The following RPTOR variants were observed in gnomAD, a reference collection of about 807,000 sequenced individuals.
RPTOR encodes the protein regulatory associated protein of MTOR complex 1.
RPTOR carries 21 observed loss-of-function variants against 169.9 expected under a neutral mutation model. The observed-to-expected ratio is 0.12, with a 90% CI of 0.09 to 0.18. RPTOR has a LOEUF of 0.18. Ranked by LOEUF, RPTOR falls within the 10% of genes least tolerant of loss-of-function variation. RPTOR has a pLI of 1.00. For missense variants in RPTOR, 1,133 were observed against 1,855.9 expected, an observed-to-expected ratio of 0.61 and a Z score of 7.16; for synonymous variants, 732 against 753.2, an observed-to-expected ratio of 0.97 and a Z score of 0.46.
At chr17:80,632,419 C>G (rs60134210) in intron 2 of RPTOR, among the ~76,000 whole-genome samples, 3 of 152,200 alleles carry the variant, frequency 2.0e-5, no homozygotes, top group Non-Finnish European at 4.4e-5. Context: ...GAGCTTTTAT[C>G]AGAGCTCACC....
intron 3 of RPTOR, among the ~76,000 whole-genome samples, chr17:80,700,217 C>T (rs539307798): frequency 5.3e-5 from 8 of 152,266 alleles, no homozygotes; most frequent in South Asian, 4.1e-4. Context: ...TGCAGGGACT[C>T]GTAGGTCTTT....
In RPTOR at chr17:80,810,758, A is replaced by T. The variant is rs1450663269; in HGVS notation, c.891-11443A>T. On this transcript the variant is annotated intron_variant, in intron 7 of 33. Transcript: ENST00000306801. ...CTAGTAATATGGAGTCTTCTGACCC[A>T]TGCACATAGTGGCTTCATCTTCCAT... is the stretch of plus-strand genomic sequence containing the variant. 2.6e-5 allele frequency among the ~76,000 whole-genome samples: 4 copies of T among 152,234 alleles called. No homozygotes were observed. The East Asian group carries it at 7.7e-4, about 29-fold the overall frequency.
intron 1 of RPTOR, among the ~76,000 whole-genome samples, chr17:80,587,591 C>A (rs1003805615): frequency 6.6e-6 from 1 of 152,138 alleles, no homozygotes; most frequent in Non-Finnish European, 1.5e-5. Flanking sequence ...CACACTGTTA[C>A]GCATTTTTAC....
At chr17:80,737,444 G>T (rs1008613466) in intron 5 of RPTOR, among the ~76,000 whole-genome samples, 1 of 152,184 alleles carries the variant, frequency 6.6e-6, no homozygotes, top group African/African-American at 2.4e-5. Flanking sequence ...TTTCCGGCAG[G>T]GGGGCGGTGG....
intron 6 of RPTOR, among the ~76,000 whole-genome samples, chr17:80,787,565 A>G (rs1182367105): frequency 2.0e-5 from 3 of 152,266 alleles, no homozygotes; most frequent in African/African-American, 4.8e-5. Flanking sequence ...CATAGTGTAT[A>G]GGAACATTCA....
At chr17:80,950,867 C>T (rs989380113) in intron 28 of RPTOR, among the ~76,000 whole-genome samples, 10 of 152,208 alleles carry the variant, frequency 6.6e-5, no homozygotes, top group African/African-American at 2.2e-4. Context: ...TTTCTGGGGT[C>T]GCTCAGAGGC....
At chr17:80,755,075 G>C (rs2066666852) in intron 6 of RPTOR, among the ~76,000 whole-genome samples, 1 of 152,196 alleles carries the variant, frequency 6.6e-6, no homozygotes, top group South Asian at 2.1e-4. Flanking sequence ...GGAGGGGCCA[G>C]AGGGGCAGGG....
intron 1 of RPTOR, among the ~76,000 whole-genome samples, chr17:80,594,525 A>G (rs762324711): frequency 6.6e-6 from 1 of 152,238 alleles, no homozygotes. Context: ...GCACTTGTGC[A>G]GAACTGTATC....
chr17:80,821,885 C>T (rs1369391587), intron 7 of RPTOR, among the ~76,000 whole-genome samples: 1 of 152,196 alleles, frequency 6.6e-6, no homozygotes, highest in African/African-American at 2.4e-5. Flanking sequence ...ACAGACTGCC[C>T]TTGGGGTCCA....
chr17:80,886,739 C>T (rs1335124284), intron 17 of RPTOR, among the ~76,000 whole-genome samples: 1 of 152,180 alleles, frequency 6.6e-6, no homozygotes, highest in Non-Finnish European at 1.5e-5. Flanking sequence ...CGGCTGCCTG[C>T]TGAACCTGCA....
intron 25 of RPTOR, among the ~76,000 whole-genome samples, chr17:80,942,916 C>T (rs902180360): frequency 6.6e-6 from 1 of 152,268 alleles, no homozygotes; most frequent in African/African-American, 2.4e-5. Flanking sequence ...AAACTCCGTC[C>T]AGAACTCCCT....
At chr17:80,876,195 G>A (rs376814751) in intron 13 of RPTOR, among the ~76,000 whole-genome samples, 3 of 88,692 alleles carry the variant, frequency 3.4e-5, no homozygotes, top group Admixed American at 2.3e-4. Context: ...GTCGCCTGCC[G>A]TGTCTTCCCA....
At chr17:80,873,268 C>T (rs9912406) in intron 13 of RPTOR, among the ~76,000 whole-genome samples, 40,649 of 151,954 alleles carry the variant, frequency 0.27, 6,264 homozygotes, top group African/African-American at 0.41. Context: ...CACTACTCAC[C>T]GCAGACAGAG....
intron 24 of RPTOR, among the ~76,000 whole-genome samples, chr17:80,929,505 T>C (rs1246043486): frequency 1.3e-5 from 2 of 152,254 alleles, no homozygotes; most frequent in Non-Finnish European, 2.9e-5. Context: ...GTCGATACGC[T>C]GTTGGGAGGC....
intron 6 of RPTOR, among the ~76,000 whole-genome samples, chr17:80,763,246 TA>T (rs534788704): frequency 6.0e-5 from 9 of 150,436 alleles, no homozygotes; most frequent in East Asian, 1.9e-4. Flanking sequence ...ACCCAGTCTC[TA>T]AAAAAAAATA....
chr17:80,951,631 G>A (rs1030316588), intron 28 of RPTOR, among the ~76,000 whole-genome samples: 2 of 152,228 alleles, frequency 1.3e-5, no homozygotes, highest in Admixed American at 1.3e-4. Context: ...CTGCTGCTGC[G>A]GCTTTGCTAT....
rs2066025301 is a variant in RPTOR at position 80,695,087 on chromosome 17, G to A, written c.349-12754G>A. On this transcript the variant is annotated intron_variant, in intron 3 of 33. Coordinates refer to ENST00000306801, the MANE Select transcript of RPTOR (RefSeq NM_020761.3). This position sits in a 1 kb window ranked among gnomAD's most constrained non-coding sequence, Gnocchi z 4.9. ...CGGGGCTGGCTGTGTGGCCCCGTGA[G>A]GGTTACTGAACCTCTCTGTGCCCAG... Among the ~76,000 whole-genome samples, 1 of 152,162 alleles carries A rather than the reference G, an allele frequency of 6.6e-6. No individual in the cohort carries two copies. Among genetic ancestry groups the A allele is most frequent in the Admixed American group, 6.5e-5 (1 of 15,280 alleles).
chr17:80,853,909 A>C (rs545992046), intron 11 of RPTOR, among the ~76,000 whole-genome samples: 2 of 151,794 alleles, frequency 1.3e-5, no homozygotes, highest in Admixed American at 1.3e-4. Context: ...TGAACCCGGG[A>C]GGTGGAGCTT....
intron 6 of RPTOR, among the ~76,000 whole-genome samples, chr17:80,758,927 C>T (rs890418788): frequency 6.6e-6 from 1 of 151,584 alleles, no homozygotes; most frequent in Admixed American, 6.6e-5. Flanking sequence ...CTGTGCCTTC[C>T]CTGCCGCCCC....
Sources: gnomAD v4.1 joint callset for allele counts (sites outside exome capture counted in the v4.1 genomes callset) on GRCh38, gnomAD v4.1.1 for gene constraint, Gnocchi (gnomAD v3.1) non-coding constraint, MANE v1.5 for transcripts, NCBI Gene and HGNC (gene_info 2026-07-23, HGNC 2026-07-21) for gene names.